Variants in RAPGEF6 observed in about 807,000 individuals in gnomAD.
The protein encoded by RAPGEF6 is Rap guanine nucleotide exchange factor 6.
In RAPGEF6, 56 loss-of-function variants were observed where a neutral mutation model predicts 171.4. The ratio of observed to expected loss-of-function variants is 0.33; its 90% CI spans 0.26 to 0.41. The LOEUF is 0.41. RAPGEF6 is among the 10% of genes least tolerant of loss of function. The probability of loss-of-function intolerance (pLI) is 1.00; values close to 1 mark genes in which losing one functional copy is unlikely to be tolerated. For missense variants in RAPGEF6, 1,674 were observed against 1,921.4 expected (o/e 0.87, Z 2.41); for synonymous variants, 692 against 650.1 (o/e 1.06, Z -0.98).
At position 131,495,670 on chromosome 5, in the gene RAPGEF6, C is replaced by T; in HGVS notation, c.1420-10G>A. 2 of 1,608,764 alleles carry T rather than the reference C, an allele frequency of 1.2e-6. No individual in the cohort carries two copies. The highest frequency in any genetic ancestry group is 1.7e-6 in the Non-Finnish European group (2 of 1,177,122). On this transcript the variant is annotated splice_polypyrimidine_tract_variant and intron_variant, in intron 12 of 27. Coordinates refer to ENST00000509018, the MANE Select transcript of RAPGEF6 (RefSeq NM_016340.6). ...ATACAATCCGTGTCACCTGTGGAAA[C>T]ATAAAAGAGGCAGCATATGGTTATA...
chr5:131,547,177 G>A (rs898984735), intron 6 of RAPGEF6, among the ~76,000 whole-genome samples: 2 of 152,072 alleles, frequency 1.3e-5, no homozygotes, highest in Non-Finnish European at 1.5e-5. Context: ...AACAACTCTC[G>A]AAATAATCTT....
chr5:131,523,962 CT>C (rs1561534382), intron 6 of RAPGEF6, among the ~76,000 whole-genome samples: 1 of 152,096 alleles, frequency 6.6e-6, no homozygotes, highest in East Asian at 1.9e-4. Context: ...AGCAATTAAA[CT>C]GACAGCTGGC....
chr5:131,495,537 TTA>T lies in RAPGEF6; in HGVS notation c.1527+14_1527+15del. The T allele has an allele frequency of 1.2e-6, 2 of 1,603,858 alleles. No homozygotes were observed. The highest frequency in any genetic ancestry group is 1.7e-6 in the Non-Finnish European group (2 of 1,171,378). On this transcript the variant is annotated intron_variant, in intron 13 of 27. Transcript: ENST00000509018. ...ACCACTACACTCTGAAGAATAGAAATTATTTTGAGCCTTACTGTATCTTCCAG... is the reference window on the plus strand; with the variant it reads ...ACCACTACACTCTGAAGAATAGAAATTTTTGAGCCTTACTGTATCTTCCAG...
In RAPGEF6 at chr5:131,509,740, A is replaced by G. The variant is rs568659195; in HGVS notation, c.805+574T>C. Among the ~76,000 whole-genome samples, 20 of 152,308 alleles carry G rather than the reference A, an allele frequency of 1.3e-4. No homozygotes were observed. The South Asian group carries it at 3.9e-3, about 30-fold the overall frequency. ...AATGCAATCAAAGCTTTTATTTTAT[A>G]TATTGTGGCAGCCAACCTCAAAGAT... On this transcript the variant is annotated intron_variant, in intron 8 of 27. Coordinates refer to ENST00000509018, the MANE Select transcript of RAPGEF6 (RefSeq NM_016340.6).
intron 21 of RAPGEF6, among the ~76,000 whole-genome samples, chr5:131,450,651 T>C (rs528297936): frequency 6.8e-4 from 103 of 152,308 alleles, no homozygotes; most frequent in Non-Finnish European, 1.3e-3. Flanking sequence ...TTCTATTTTT[T>C]AAGTCTGCAA....
chr5:131,565,907 AG>A (rs1761900249), intron 4 of RAPGEF6, among the ~76,000 whole-genome samples: 1 of 152,184 alleles, frequency 6.6e-6, no homozygotes, highest in South Asian at 2.1e-4. Flanking sequence ...GCACTTTGGG[AG>A]GCAGAGGCTA....
chr5:131,565,541 A>C (rs1581032608), intron 4 of RAPGEF6, among the ~76,000 whole-genome samples: 1 of 152,212 alleles, frequency 6.6e-6, no homozygotes, highest in South Asian at 2.1e-4. Context: ...AAAATAGCTA[A>C]AACAACTTTG....
chr5:131,487,803 C>T (rs1460035662), intron 15 of RAPGEF6, among the ~76,000 whole-genome samples: 2 of 152,182 alleles, frequency 1.3e-5, no homozygotes, highest in Non-Finnish European at 2.9e-5. Context: ...AAGTTTGATA[C>T]AGGACAACCT....
At position 131,566,856 on chromosome 5, in the gene RAPGEF6, C is replaced by T. The variant is rs149352573; in HGVS notation, c.282-4809G>A. 4.5e-3 allele frequency among the ~76,000 whole-genome samples: 678 copies of T among 151,726 alleles called. 4 individuals carry two copies. Among genetic ancestry groups the T allele is most frequent in the African/African-American group, 0.016 (664 of 41,388 alleles). On this transcript the variant is annotated intron_variant, in intron 4 of 27. Coordinates refer to ENST00000509018, the MANE Select transcript of RAPGEF6 (RefSeq NM_016340.6). ...GGGCGCGGTGGCTGACACCTATAAT[C>T]CCAGCACTTTGGGAAGCCGAGGCAG...
At chr5:131,441,463 T>C (rs1438424726) in intron 23 of RAPGEF6, among the ~76,000 whole-genome samples, 2 of 152,246 alleles carry the variant, frequency 1.3e-5, no homozygotes, top group East Asian at 1.9e-4. Context: ...TCTGGAACTT[T>C]TGCCTAATTA....
chr5:131,430,574 T>C (rs1374277822), intron 26 of RAPGEF6: 6 of 512,514 alleles, frequency 1.2e-5, no homozygotes, highest in African/African-American at 9.7e-5. Context: ...TGCGATGATA[T>C]TCCTCAATAA....
chr5:131,576,700 T>C (rs1247867628), intron 4 of RAPGEF6, among the ~76,000 whole-genome samples: 1 of 152,160 alleles, frequency 6.6e-6, no homozygotes, highest in Non-Finnish European at 1.5e-5. Context: ...CTCCCACCTA[T>C]TCTCCCACTG....
chr5:131,566,284 C>T (rs1021880154), intron 4 of RAPGEF6, among the ~76,000 whole-genome samples: 7 of 152,048 alleles, frequency 4.6e-5, no homozygotes, highest in African/African-American at 1.7e-4. Context: ...ATACTTTATG[C>T]TGAATGAGTT....
chr5:131,448,917 G>C (rs1752887666), intron 21 of RAPGEF6, among the ~76,000 whole-genome samples: 4 of 152,062 alleles, frequency 2.6e-5, no homozygotes, highest in Non-Finnish European at 1.5e-5. Context: ...ATAAATTTGC[G>C]ATCCAGAAGA....
chr5:131,427,061 A>G lies in RAPGEF6; in HGVS notation c.*205T>C. On this transcript the variant is annotated 3_prime_UTR_variant, in exon 28 of 28. Coordinates refer to ENST00000509018, the MANE Select transcript of RAPGEF6 (RefSeq NM_016340.6). ...AGACTGGTATCCAGGCATAGCATCC[A>G]TTGCTCAGGAAACTATTTATCTGCA... The G allele has an allele frequency of 1.6e-6, 1 of 606,424 alleles. No individual in the cohort carries two copies. The highest frequency in any genetic ancestry group is 2.9e-6 in the Non-Finnish European group (1 of 344,536). 37.6% of individuals were successfully genotyped at this position (606,424 alleles called of 1,614,324 possible). A position where few individuals can be genotyped will look rare whatever the true frequency, so the allele number is the denominator to read the frequency against.
chr5:131,479,837 A>G (rs1446557837), intron 15 of RAPGEF6, 84 bp from the exon 16 acceptor site: 2 of 1,387,146 alleles, frequency 1.4e-6, no homozygotes, highest in Non-Finnish European at 2.0e-6. Context: ...GGATAAACAC[A>G]GTGACTTTCC....
chr5:131,603,190 A>G (rs1764355685), intron 3 of RAPGEF6, 81 bp downstream of exon 3: 2 of 1,048,048 alleles, frequency 1.9e-6, no homozygotes, highest in Non-Finnish European at 2.9e-6. Flanking sequence ...AAATTGTCCC[A>G]GAATCAAATG....
chr5:131,456,394 G>A (rs994022038), intron 19 of RAPGEF6, among the ~76,000 whole-genome samples: 2 of 152,134 alleles, frequency 1.3e-5, no homozygotes, highest in African/African-American at 4.8e-5. Flanking sequence ...AAGTAATGCT[G>A]AGAACAACTG....
Position 131,495,670 on chromosome 5 carries a change from CATA to C in RAPGEF6, c.1420-13_1420-11del. The C allele has an allele frequency of 6.2e-7, 1 of 1,608,764 alleles. No individual in the cohort carries two copies. Among genetic ancestry groups the C allele is most frequent in the Non-Finnish European group, 8.5e-7 (1 of 1,177,122 alleles). On this transcript the variant is annotated splice_polypyrimidine_tract_variant and intron_variant, in intron 12 of 27. Transcript: ENST00000509018. ...ATACAATCCGTGTCACCTGTGGAAA[CATA>C]AAAGAGGCAGCATATGGTTATAAGA...
Sources: gnomAD v4.1 joint callset for allele counts (sites outside exome capture counted in the v4.1 genomes callset) on GRCh38, gnomAD v4.1.1 for gene constraint, MANE v1.5 for transcripts, NCBI Gene and HGNC (gene_info 2026-07-23, HGNC 2026-07-21) for gene names.